The following PCGF5 variants were observed in gnomAD, a reference collection of about 807,000 sequenced individuals.
PCGF5 encodes the protein polycomb group RING finger protein 5.
Under a neutral mutation model 44.3 loss-of-function variants are expected in PCGF5, and 9 were observed. The ratio of observed to expected loss-of-function variants is 0.20; its 90% CI spans 0.12 to 0.35. The LOEUF is 0.35. Among genes scored for constraint, PCGF5 ranks in the 10% least tolerant of loss-of-function variants. The probability of loss-of-function intolerance (pLI) is 1.00; values close to 1 mark genes in which losing one functional copy is unlikely to be tolerated. For missense variants in PCGF5, 146 were observed against 305.3 expected (o/e 0.48, Z 3.89); for synonymous variants, 95 against 102.5 (o/e 0.93, Z 0.44).
chr10:91,207,134 A>C (rs1844362570), intron 1 of PCGF5, among the ~76,000 whole-genome samples: 1 of 152,048 alleles, frequency 6.6e-6, no homozygotes, highest in Non-Finnish European at 1.5e-5. Context: ...GCATAGAAAG[A>C]CCCTTTTCCT....
intron 1 of PCGF5, among the ~76,000 whole-genome samples, chr10:91,213,753 G>A (rs961424850): frequency 9.2e-5 from 14 of 151,874 alleles, no homozygotes; most frequent in African/African-American, 3.4e-4. Context: ...CCAAAGTACT[G>A]GGATTACAGG....
intron 2 of PCGF5, among the ~76,000 whole-genome samples, chr10:91,230,724 G>A (rs905008871): frequency 6.6e-6 from 1 of 152,004 alleles, no homozygotes; most frequent in African/African-American, 2.4e-5. Flanking sequence ...AGTCTCAAGC[G>A]ATCTTCCTAT....
chr10:91,261,098 T>G (rs1386567101), intron 6 of PCGF5, among the ~76,000 whole-genome samples: 2 of 152,126 alleles, frequency 1.3e-5, no homozygotes, highest in East Asian at 3.8e-4. Context: ...TGCCAGGATT[T>G]TCCTAGTACA....
intron 6 of PCGF5, among the ~76,000 whole-genome samples, chr10:91,260,995 AT>A (rs879353843): frequency 6.6e-6 from 1 of 151,618 alleles, no homozygotes; most frequent in Non-Finnish European, 1.5e-5. Flanking sequence ...ATAATAAAAA[AT>A]ATATATATTT....
Position 91,167,161 on chromosome 10 carries a change from CTTT to C in PCGF5, c.-184+4082_-184+4084del, listed in dbSNP as rs59862992. 5.6e-3 allele frequency among the ~76,000 whole-genome samples: 855 copies of C among 152,104 alleles called. 11 individuals carry two copies. Among genetic ancestry groups the C allele is most frequent in the African/African-American group, 0.019 (801 of 41,450 alleles). The stretch of plus-strand genomic sequence containing the variant: ...CTTCTTAAGAGTTTGTCTAAATTAA[CTTT>C]TATGATAAGTACATTTTCATTATTT... On this transcript the variant is annotated intron_variant, in intron 1 of 9. Transcript: ENST00000614189.
intron 6 of PCGF5, among the ~76,000 whole-genome samples, chr10:91,260,319 G>A: frequency 6.6e-6 from 1 of 152,170 alleles, no homozygotes; most frequent in African/African-American, 2.4e-5. Context: ...AACAGGTGCT[G>A]GAGAGGATGT....
chr10:91,164,737 A>G (rs1190107868), intron 1 of PCGF5, among the ~76,000 whole-genome samples: 1 of 152,200 alleles, frequency 6.6e-6, no homozygotes, highest in Admixed American at 6.5e-5. Context: ...TTTTCTCATC[A>G]TTTAAGACTC....
intron 1 of PCGF5, among the ~76,000 whole-genome samples, chr10:91,211,270 T>C (rs1467805477): frequency 2.0e-5 from 3 of 152,196 alleles, no homozygotes; most frequent in African/African-American, 4.8e-5. Context: ...TTTGTTGATG[T>C]GATTAGCTGG....
intron 1 of PCGF5, among the ~76,000 whole-genome samples, chr10:91,173,327 A>G (rs1276035021): frequency 6.6e-6 from 1 of 152,242 alleles, no homozygotes; most frequent in Non-Finnish European, 1.5e-5. Flanking sequence ...ATTCTGGCCA[A>G]GTGAGATTAA....
chr10:91,200,572 GA>G (rs1272746404), intron 1 of PCGF5, among the ~76,000 whole-genome samples: 1 of 152,232 alleles, frequency 6.6e-6, no homozygotes, highest in Admixed American at 6.5e-5. Flanking sequence ...GACTGTGCCA[GA>G]AGGGAAGGTG....
rs1845996973 is a variant in PCGF5, at chr10:91,264,327, CT to C, written c.574-100del. 3 of 859,332 alleles carry C rather than the reference CT, an allele frequency of 3.5e-6. No homozygotes were observed. The South Asian group carries it at 5.4e-5, about 15-fold the overall frequency. The allele number at this position is 859,332 out of a possible 1,614,324, so 53.2% of individuals were successfully genotyped here. A position where few individuals can be genotyped will look rare whatever the true frequency, so the allele number is the denominator to read the frequency against. On this transcript the variant is annotated intron_variant, in intron 7 of 9. Transcript: ENST00000336126. ...CTCCTATTTAAAATAATGGATAATA[CT>C]TTTGTTCCAACTATTTGAATATTTT...
upstream of PCGF5, among the ~76,000 whole-genome samples, chr10:91,218,440 G>A (rs1844587984): frequency 6.6e-6 from 1 of 151,878 alleles, no homozygotes; most frequent in African/African-American, 2.4e-5. Context: ...TCCGTCATTT[G>A]TCCTCTGCCC....
At chr10:91,246,444 A>C (rs1401306635) in intron 3 of PCGF5, among the ~76,000 whole-genome samples, 1 of 152,192 alleles carries the variant, frequency 6.6e-6, no homozygotes, top group Admixed American at 6.6e-5. Flanking sequence ...GACAGTGAGC[A>C]AATAGTACCA....
At chr10:91,184,067 ACTGGGGTTCT>A (rs1458597137) in intron 1 of PCGF5, among the ~76,000 whole-genome samples, 1 of 152,092 alleles carries the variant, frequency 6.6e-6, no homozygotes, top group Non-Finnish European at 1.5e-5. Flanking sequence ...GGAGTATCTT[ACTGGGGTTCT>A]CTGCATTTCC....
At chr10:91,166,506 T>C (rs1430981537) in intron 1 of PCGF5, among the ~76,000 whole-genome samples, 1 of 152,252 alleles carries the variant, frequency 6.6e-6, no homozygotes, top group Non-Finnish European at 1.5e-5. Flanking sequence ...TTAGAACTTT[T>C]ACAATAATGA....
intron 2 of PCGF5, among the ~76,000 whole-genome samples, chr10:91,234,100 G>C (rs141899418): frequency 2.7e-4 from 41 of 152,320 alleles, no homozygotes; most frequent in African/African-American, 9.6e-4. Flanking sequence ...ATACATCTAA[G>C]ATAGCAACAA....
At chr10:91,261,527 G>A in intron 7 of PCGF5, 103 bp downstream of exon 7, 2 of 1,243,466 alleles carry the variant, frequency 1.6e-6, no homozygotes, top group Non-Finnish European at 2.1e-6. Flanking sequence ...TAATTTTTGT[G>A]GAAACTTTGA....
chr10:91,261,278 C>A, intron 6 of PCGF5, 48 bp from the exon 7 acceptor site: 1 of 1,413,534 alleles, frequency 7.1e-7, no homozygotes. Flanking sequence ...CAAGATAGAA[C>A]ATTTTAACTG....
chr10:91,164,932 T>C (rs1226794736), intron 1 of PCGF5, among the ~76,000 whole-genome samples: 2 of 152,264 alleles, frequency 1.3e-5, no homozygotes, highest in Non-Finnish European at 2.9e-5. Flanking sequence ...AGCTCCACTA[T>C]GCTAGGGATT....
Sources: allele counts gnomAD v4.1 joint callset (sites outside exome capture counted in the v4.1 genomes callset), GRCh38; gene constraint gnomAD v4.1.1; transcripts MANE v1.5; gene names NCBI Gene and HGNC (gene_info 2026-07-23, HGNC 2026-07-21).